Variants in TRPM3 observed in about 807,000 individuals in gnomAD.
TRPM3 encodes transient receptor potential cation channel subfamily M member 3, also known as long transient receptor potential channel 3.
In TRPM3, 77 loss-of-function variants were observed where a neutral mutation model predicts 181.2. The ratio of observed to expected loss-of-function variants is 0.42; its 90% CI spans 0.35 to 0.51. TRPM3 has a LOEUF of 0.51. Ranked by LOEUF, TRPM3 falls within the 20% of genes least tolerant of loss-of-function variation. TRPM3 has a pLI of 0.01. For synonymous variants in TRPM3, 745 were observed against 796.4 expected (o/e 0.94, Z 1.09); for missense variants, 1,759 against 2,196.7 (o/e 0.80, Z 3.98).
intron 3 of TRPM3, among the ~76,000 whole-genome samples, chr9:70,860,181 AAAC>A (rs1166927627): frequency 1.3e-5 from 2 of 152,204 alleles, no homozygotes; most frequent in Non-Finnish European, 2.9e-5. Flanking sequence ...TAATCTTCAT[AAAC>A]ATCAAATAAG....
At chr9:71,289,956 ATGTT>A (rs1305793095) in intron 1 of TRPM3, among the ~76,000 whole-genome samples, 1 of 151,440 alleles carries the variant, frequency 6.6e-6, no homozygotes, top group Admixed American at 6.6e-5. Flanking sequence ...GAAAAGATAA[ATGTT>A]TGATGTGATG....
intron 7 of TRPM3, among the ~76,000 whole-genome samples, chr9:70,783,671 G>A (rs567717044): frequency 2.6e-5 from 4 of 152,246 alleles, no homozygotes; most frequent in South Asian, 2.1e-4. Context: ...CAGTGGCTTC[G>A]CAATGCTGGT....
At chr9:70,587,894 C>T (rs146682977) in intron 22 of TRPM3, among the ~76,000 whole-genome samples, 5 of 152,302 alleles carry the variant, frequency 3.3e-5, no homozygotes, top group Admixed American at 6.5e-5. Flanking sequence ...TGCATTCCCA[C>T]GAATTAAATC....
chr9:71,314,882 G>T (rs1390435261), intron 1 of TRPM3, among the ~76,000 whole-genome samples: 2 of 151,754 alleles, frequency 1.3e-5, no homozygotes, highest in African/African-American at 2.4e-5. Flanking sequence ...AAAAAAATGG[G>T]CATCAACGTT....
intron 3 of TRPM3, among the ~76,000 whole-genome samples, chr9:70,853,051 T>C (rs1418156824): frequency 6.6e-6 from 1 of 152,202 alleles, no homozygotes; most frequent in Non-Finnish European, 1.5e-5. Context: ...GACCTGACCA[T>C]GTCTTTTTCT....
At chr9:71,355,137 A>G (rs2091841887) in intron 1 of TRPM3, among the ~76,000 whole-genome samples, 2 of 152,014 alleles carry the variant, frequency 1.3e-5, no homozygotes, top group East Asian at 1.9e-4. Context: ...TTCCAATCTC[A>G]TGGTTCAATT....
intron 1 of TRPM3, among the ~76,000 whole-genome samples, chr9:71,297,747 G>A (rs1242030437): frequency 6.6e-6 from 1 of 152,118 alleles, no homozygotes; most frequent in Non-Finnish European, 1.5e-5. Context: ...AGAAAATGAA[G>A]CACCAAGTTC....
At chr9:71,005,543 A>G (rs933565040) in intron 1 of TRPM3, among the ~76,000 whole-genome samples, 4 of 152,178 alleles carry the variant, frequency 2.6e-5, no homozygotes, top group Non-Finnish European at 4.4e-5. Context: ...GAGAAATGAA[A>G]CATATTCAAT....
chr9:70,958,841 G>T (rs898954584), intron 1 of TRPM3, among the ~76,000 whole-genome samples: 2 of 151,820 alleles, frequency 1.3e-5, no homozygotes, highest in Non-Finnish European at 2.9e-5. Flanking sequence ...AAAATGATGA[G>T]TTCATGTCCT....
chr9:71,275,898 G>A (rs2084175030), intron 1 of TRPM3, among the ~76,000 whole-genome samples: 2 of 149,238 alleles, frequency 1.3e-5, no homozygotes, highest in Admixed American at 1.3e-4. Flanking sequence ...CTGGAGTGCT[G>A]TGGCGTGATC....
chr9:71,266,106 C>T (rs1407649347), intron 1 of TRPM3, among the ~76,000 whole-genome samples: 2 of 152,204 alleles, frequency 1.3e-5, no homozygotes, highest in African/African-American at 2.4e-5. Context: ...GTAGCCAAAA[C>T]CAGAATCCTA....
intron 1 of TRPM3, among the ~76,000 whole-genome samples, chr9:71,212,690 G>T (rs2079580407): frequency 6.6e-6 from 1 of 152,146 alleles, no homozygotes; most frequent in African/African-American, 2.4e-5. Context: ...GGAGTCCATT[G>T]AAGAAAAACA....
intron 1 of TRPM3, among the ~76,000 whole-genome samples, chr9:70,922,040 C>G (rs1375631841): frequency 6.6e-6 from 1 of 151,452 alleles, no homozygotes; most frequent in Non-Finnish European, 1.5e-5. Flanking sequence ...TAATAAGAAT[C>G]AAATGTAGAA....
At chr9:71,087,696 CAAGTTT>C (rs1298996900) in intron 1 of TRPM3, among the ~76,000 whole-genome samples, 3 of 151,966 alleles carry the variant, frequency 2.0e-5, no homozygotes, top group African/African-American at 7.2e-5. Context: ...AGAAGCAGTA[CAAGTTT>C]ATTTCCTTAT....
chr9:70,762,080 G>A (rs1467147741), intron 7 of TRPM3, among the ~76,000 whole-genome samples: 2 of 151,910 alleles, frequency 1.3e-5, no homozygotes, highest in Admixed American at 6.6e-5. Context: ...CTATAGTACT[G>A]TTCTTAACAG....
intron 1 of TRPM3, among the ~76,000 whole-genome samples, chr9:71,172,886 G>C (rs965598823): frequency 1.3e-5 from 2 of 152,262 alleles, no homozygotes; most frequent in African/African-American, 4.8e-5. Flanking sequence ...AAAACTGTTC[G>C]CTTATGCCCA....
At chr9:71,166,265 C>T (rs1029232345) in intron 1 of TRPM3, among the ~76,000 whole-genome samples, 1 of 152,100 alleles carries the variant, frequency 6.6e-6, no homozygotes, top group African/African-American at 2.4e-5. Context: ...CACCCTCTTT[C>T]CCCAAATATA....
At position 70,846,367 on chromosome 9, in the gene TRPM3, C is replaced by G; in HGVS notation, c.676+11G>C. On this transcript the variant is annotated intron_variant, in intron 4 of 25. Coordinates refer to ENST00000677713, the MANE Select transcript of TRPM3 (RefSeq NM_001366145.2). ...GCCTATGTTGACTTTCTCTGTTCCA[C>G]TTGCAATTACCTGTGTTAACCCCTC... 1 of 1,611,886 alleles carries G rather than the reference C, an allele frequency of 6.2e-7. No homozygotes were observed. The highest frequency in any genetic ancestry group is 8.5e-7 in the Non-Finnish European group (1 of 1,177,980).
intron 1 of TRPM3, among the ~76,000 whole-genome samples, chr9:71,072,577 G>A (rs1373867196): frequency 6.6e-6 from 1 of 152,166 alleles, no homozygotes; most frequent in Non-Finnish European, 1.5e-5. Context: ...ATATCACACA[G>A]TTCTTGGGTT....
Sources: allele counts gnomAD v4.1 joint callset (sites outside exome capture counted in the v4.1 genomes callset), GRCh38; gene constraint gnomAD v4.1.1; transcripts MANE v1.5; gene names NCBI Gene and HGNC (gene_info 2026-07-23, HGNC 2026-07-21).